The following CNTN5 variants were observed in gnomAD, a reference collection of about 807,000 sequenced individuals.
CNTN5 encodes contactin-5.
A neutral mutation model predicts 129.1 loss-of-function variants in CNTN5; 77 were observed. The ratio of observed to expected loss-of-function variants is 0.60; its 90% CI spans 0.50 to 0.72. The LOEUF (loss-of-function observed/expected upper bound fraction) is 0.72, where lower values mean the gene tolerates loss of function less well. CNTN5 is among the 30% of genes least tolerant of loss of function. CNTN5 has a pLI of 0.00. For missense variants in CNTN5, 1,478 were observed against 1,328.8 expected (o/e 1.11, Z -1.75); for synonymous variants, 509 against 465.6 (o/e 1.09, Z -1.20).
intron 6 of CNTN5, among the ~76,000 whole-genome samples, chr11:99,866,409 A>C (rs1286757108): frequency 1.3e-5 from 2 of 152,118 alleles, no homozygotes; most frequent in East Asian, 3.9e-4. Flanking sequence ...TTAGATACTT[A>C]TATATTTTAA....
At chr11:99,948,268 T>C (rs1420619576) in intron 7 of CNTN5, among the ~76,000 whole-genome samples, 1 of 152,220 alleles carries the variant, frequency 6.6e-6, no homozygotes, top group East Asian at 1.9e-4. Flanking sequence ...TTTGTAACTG[T>C]GCAATAATGA....
intron 3 of CNTN5, among the ~76,000 whole-genome samples, chr11:99,706,149 G>T (rs1417281833): frequency 6.6e-6 from 1 of 151,380 alleles, no homozygotes; most frequent in Non-Finnish European, 1.5e-5. Flanking sequence ...CAATAAAAGA[G>T]GGACTAGATA....
chr11:99,479,648 G>A (rs1050398926), intron 2 of CNTN5, among the ~76,000 whole-genome samples: 6 of 151,916 alleles, frequency 3.9e-5, no homozygotes, highest in Non-Finnish European at 7.4e-5. Context: ...ACTTTTAATG[G>A]GTTAAATGTT....
chr11:99,502,238 C>G (rs982109125), intron 2 of CNTN5, among the ~76,000 whole-genome samples: 1 of 152,110 alleles, frequency 6.6e-6, no homozygotes, highest in African/African-American at 2.4e-5. Context: ...TTCATTTTAC[C>G]TCATTTGTAT....
intron 6 of CNTN5, among the ~76,000 whole-genome samples, chr11:99,889,962 T>A (rs1949014777): frequency 6.6e-6 from 1 of 152,212 alleles, no homozygotes; most frequent in Admixed American, 6.5e-5. Context: ...TATCTTCACC[T>A]CGATAAGATC....
intron 3 of CNTN5, among the ~76,000 whole-genome samples, chr11:99,660,619 G>A (rs1952561309): frequency 6.6e-6 from 1 of 152,110 alleles, no homozygotes. Context: ...AAGGATTTAT[G>A]TATTTTTGGT....
At chr11:99,454,257 A>G (rs1314804444) in intron 2 of CNTN5, among the ~76,000 whole-genome samples, 1 of 152,194 alleles carries the variant, frequency 6.6e-6, no homozygotes, top group Non-Finnish European at 1.5e-5. Flanking sequence ...AAATAATAAA[A>G]TAGATAAAGG....
chr11:99,873,664 A>T (rs1948561008), intron 6 of CNTN5, among the ~76,000 whole-genome samples: 1 of 152,126 alleles, frequency 6.6e-6, no homozygotes. Flanking sequence ...TACCTCAAAG[A>T]ACTAAAAATA....
intron 3 of CNTN5, among the ~76,000 whole-genome samples, chr11:99,813,466 C>T (rs1183534423): frequency 6.6e-6 from 1 of 152,082 alleles, no homozygotes; most frequent in African/African-American, 2.4e-5. Context: ...TGAAGCAAAA[C>T]CACAAAAAGA....
At chr11:99,355,255 T>C (rs575508602) in intron 2 of CNTN5, among the ~76,000 whole-genome samples, 1 of 152,220 alleles carries the variant, frequency 6.6e-6, no homozygotes, top group Non-Finnish European at 1.5e-5. Context: ...AAATGCTTCA[T>C]AAAGTCAGTA....
intron 3 of CNTN5, among the ~76,000 whole-genome samples, chr11:99,684,116 C>T (rs761143904): frequency 6.6e-6 from 1 of 151,736 alleles, no homozygotes; most frequent in Non-Finnish European, 1.5e-5. Context: ...GTCTGGTAAC[C>T]ACACTTTCAC....
chr11:99,734,290 C>T (rs982820977), intron 3 of CNTN5, among the ~76,000 whole-genome samples: 1 of 152,124 alleles, frequency 6.6e-6, no homozygotes, highest in Non-Finnish European at 1.5e-5. Flanking sequence ...TTATTGTTGA[C>T]TGTAGTCACC....
intron 3 of CNTN5, among the ~76,000 whole-genome samples, chr11:99,648,353 A>T (rs529112045): frequency 6.6e-6 from 1 of 152,066 alleles, no homozygotes; most frequent in South Asian, 2.1e-4. Flanking sequence ...AATGCAAATG[A>T]AAACCACAAT....
At chr11:99,849,663 G>A (rs1351393857) in intron 6 of CNTN5, among the ~76,000 whole-genome samples, 1 of 152,080 alleles carries the variant, frequency 6.6e-6, no homozygotes, top group Non-Finnish European at 1.5e-5. Context: ...TTAAAAATAG[G>A]TTTTGAATGT....
intron 13 of CNTN5, chr11:100,074,545 T>G: frequency 2.8e-6 from 1 of 360,074 alleles, no homozygotes; most frequent in Non-Finnish European, 4.9e-6. Context: ...GAAAGTACTC[T>G]TTAATTAAAC....
At chr11:99,517,754 G>A (rs1326559665) in intron 2 of CNTN5, among the ~76,000 whole-genome samples, 1 of 152,054 alleles carries the variant, frequency 6.6e-6, no homozygotes, top group Admixed American at 6.6e-5. Context: ...CCTCTTACAA[G>A]TGAATTGACA....
chr11:100,095,050 G>A (rs1944956912), intron 13 of CNTN5, among the ~76,000 whole-genome samples: 1 of 152,040 alleles, frequency 6.6e-6, no homozygotes, highest in South Asian at 2.1e-4. Flanking sequence ...GAGTATTTTA[G>A]GATAGCATCC....
intron 6 of CNTN5, among the ~76,000 whole-genome samples, chr11:99,862,626 GTAAT>G (rs1324773664): frequency 6.6e-6 from 1 of 151,820 alleles, no homozygotes; most frequent in Non-Finnish European, 1.5e-5. Context: ...AGTTTATAAA[GTAAT>G]TACTGATTAA....
At chr11:100,101,107 G>A (rs1394758702) in intron 13 of CNTN5, among the ~76,000 whole-genome samples, 2 of 152,062 alleles carry the variant, frequency 1.3e-5, no homozygotes, top group Non-Finnish European at 2.9e-5. Context: ...AATACGGTAT[G>A]TTCCTGTAAT....
Sources: allele counts gnomAD v4.1 joint callset (sites outside exome capture counted in the v4.1 genomes callset), GRCh38; gene constraint gnomAD v4.1.1; transcripts MANE v1.5; gene names NCBI Gene and HGNC (gene_info 2026-07-23, HGNC 2026-07-21).